ASB15: variants seen among roughly 807,000 people sequenced by gnomAD.
ASB15 encodes the protein ankyrin repeat and SOCS box protein 15.
A neutral mutation model predicts 58.0 loss-of-function variants in ASB15; 54 were observed. The observed-to-expected ratio is 0.93, with a 90% CI of 0.75 to 1.17. ASB15 has a LOEUF of 1.17. Among genes scored for constraint, ASB15 ranks in the 50% most tolerant of loss-of-function variants. The probability of loss-of-function intolerance (pLI) is 0.00; values close to 1 mark genes in which losing one functional copy is unlikely to be tolerated. For synonymous variants in ASB15, 249 were observed against 262.4 expected, an observed-to-expected ratio of 0.95 and a Z score of 0.50; for missense variants, 680 against 707.4, an observed-to-expected ratio of 0.96 and a Z score of 0.44.
rs981813078 is a variant in ASB15 at position 123,596,170 on chromosome 7, GA to G, written c.-442-7853del. On this transcript the variant is annotated intron_variant, in intron 1 of 13. Coordinates refer to the ASB15 transcript ENST00000451558. Reference sequence around the variant, plus strand: ...ATTACTAAATTTACCTCTTATATTGGAAAAAAAAATTGGGGGGAGGCAAATC... The same window carrying G: ...ATTACTAAATTTACCTCTTATATTGGAAAAAAAATTGGGGGGAGGCAAATC... Among the ~76,000 whole-genome samples the G allele has an allele frequency of 1.3e-4, 10 of 76,456 alleles. No homozygotes were observed. In the East Asian group the frequency reaches 1.6e-3, roughly 12 times the overall value. The allele number at this position is 76,456 out of a possible 152,430, so 50.2% of individuals were successfully genotyped here.
chr7:123,612,015 G>A (rs1330163910), intron 3 of ASB15, among the ~76,000 whole-genome samples: 1 of 152,018 alleles, frequency 6.6e-6, no homozygotes, highest in Non-Finnish European at 1.5e-5. Flanking sequence ...GACCAGCTCA[G>A]TTCTTTATGG....
chr7:123,619,035 C>T (rs576631383), intron 7 of ASB15, among the ~76,000 whole-genome samples: 69 of 151,990 alleles, frequency 4.5e-4, no homozygotes, highest in Non-Finnish European at 8.1e-4. Context: ...CAAAAATTAG[C>T]TGGGCTTCGT....
chr7:123,603,673 C>T (rs1372065398), intron 1 of ASB15, among the ~76,000 whole-genome samples: 4 of 151,976 alleles, frequency 2.6e-5, no homozygotes. Flanking sequence ...TAAAACAATA[C>T]TTGGAGAGAT....
At chr7:123,578,388 A>AATT (rs1799128111) in intron 1 of ASB15, among the ~76,000 whole-genome samples, 1 of 151,792 alleles carries the variant, frequency 6.6e-6, no homozygotes, top group Non-Finnish European at 1.5e-5. Flanking sequence ...CCTTGGCCTA[A>AATT]ACATCTGTCA....
intron 1 of ASB15, among the ~76,000 whole-genome samples, chr7:123,582,187 C>T (rs930785816): frequency 6.6e-6 from 1 of 151,918 alleles, no homozygotes; most frequent in Non-Finnish European, 1.5e-5. Flanking sequence ...GGTTCTCAGG[C>T]CCAGACCACT....
At chr7:123,620,386 G>A (rs1324320394) in intron 7 of ASB15, 1 of 150,244 alleles carries the variant, frequency 6.7e-6, no homozygotes, top group Non-Finnish European at 1.5e-5. Flanking sequence ...TTAAATCACA[G>A]TCACGTGACA....
intron 9 of ASB15, among the ~76,000 whole-genome samples, chr7:123,627,916 G>C (rs148652784): frequency 0.01 from 1,557 of 152,224 alleles, 15 homozygotes; most frequent in Admixed American, 0.016. Flanking sequence ...TGAAGTAATC[G>C]GGCTTTATAG....
chr7:123,614,347 T>A, intron 3 of ASB15, 154 bp from the exon 4 acceptor site: 1 of 580,610 alleles, frequency 1.7e-6, no homozygotes, highest in Non-Finnish European at 3.0e-6. Context: ...TCACAAGTAA[T>A]GTGGATTAAA....
chr7:123,576,257 T>C (rs1158607192), intron 1 of ASB15, among the ~76,000 whole-genome samples: 1 of 151,922 alleles, frequency 6.6e-6, no homozygotes, highest in Non-Finnish European at 1.5e-5. Flanking sequence ...TTTAATTTGA[T>C]CTTCCTCTAT....
intron 1 of ASB15, among the ~76,000 whole-genome samples, chr7:123,587,659 G>A (rs1799413345): frequency 6.6e-6 from 1 of 151,496 alleles, no homozygotes; most frequent in Admixed American, 6.6e-5. Flanking sequence ...TCACCTGTAT[G>A]TTCACTGTAA....
chr7:123,616,341 A>C (rs775118208), intron 5 of ASB15, 23 bp from the exon 6 acceptor site: 1 of 1,610,438 alleles, frequency 6.2e-7, no homozygotes, highest in Non-Finnish European at 8.5e-7. Flanking sequence ...GAGATTAGTC[A>C]TCAGTCCATG....
chr7:123,618,001 G>C (rs1207104988), intron 7 of ASB15, among the ~76,000 whole-genome samples: 1 of 152,202 alleles, frequency 6.6e-6, no homozygotes, highest in Non-Finnish European at 1.5e-5. Flanking sequence ...TTTGAAGCCA[G>C]AGATAGCAAT....
intron 7 of ASB15, among the ~76,000 whole-genome samples, chr7:123,619,179 C>CAAAAAA (rs528943780): frequency 3.1e-4 from 17 of 55,256 alleles, no homozygotes; most frequent in South Asian, 8.3e-4. Context: ...GACGCCGTCT[C>CAAAAAA]AAAAAAAAAA....
intron 7 of ASB15, among the ~76,000 whole-genome samples, chr7:123,619,239 G>A (rs1240673446): frequency 6.6e-6 from 1 of 151,032 alleles, no homozygotes; most frequent in Non-Finnish European, 1.5e-5. Flanking sequence ...CCTGGGTAGT[G>A]TGGATATAAA....
rs181853307 is a variant in ASB15 at position 123,624,894 on chromosome 7, A to C, written c.697+80A>C. On this transcript the variant is annotated intron_variant, in intron 8 of 11. Transcript: ENST00000451215. Reference sequence around the variant, plus strand: ...TTTTCTCCATTCATCACTCTTCCTCACCTGAATGTAACTAGGGGAGCTCCT... The same window carrying C: ...TTTTCTCCATTCATCACTCTTCCTCCCCTGAATGTAACTAGGGGAGCTCCT... 4 of 1,458,426 alleles carry C rather than the reference A, an allele frequency of 2.7e-6. No individual in the cohort carries two copies. In the Admixed American group the frequency reaches 8.2e-5, roughly 30 times the overall value. 90.3% of individuals were successfully genotyped at this position (1,458,426 alleles called of 1,614,324 possible).
chr7:123,597,691 C>T (rs577737985), upstream of ASB15, among the ~76,000 whole-genome samples: 15 of 152,062 alleles, frequency 9.9e-5, no homozygotes, highest in South Asian at 6.2e-4. Context: ...AATTAGAAGA[C>T]GTGGTGGCAC....
chr7:123,632,848 C>A (rs1262039428), intron 11 of ASB15, among the ~76,000 whole-genome samples: 1 of 152,012 alleles, frequency 6.6e-6, no homozygotes, highest in African/African-American at 2.4e-5. Context: ...AATACTATAT[C>A]CTTTGGGCAC....
chr7:123,583,051 T>C (rs1286063422), intron 1 of ASB15, among the ~76,000 whole-genome samples: 2 of 151,928 alleles, frequency 1.3e-5, no homozygotes, highest in African/African-American at 4.8e-5. Context: ...GTAGTGGAAT[T>C]TGGATCTTTA....
At chr7:123,614,461 C>A in intron 3 of ASB15, 40 bp from the exon 4 acceptor site, 1 of 1,296,790 alleles carries the variant, frequency 7.7e-7, no homozygotes, top group Non-Finnish European at 1.1e-6. Context: ...TGGGCCATTT[C>A]TTGATAATAA....
Sources: gnomAD v4.1 joint callset for allele counts (sites outside exome capture counted in the v4.1 genomes callset) on GRCh38, gnomAD v4.1.1 for gene constraint, MANE v1.5 for transcripts, NCBI Gene and HGNC (gene_info 2026-07-23, HGNC 2026-07-21) for gene names.